The following MARK2 variants were observed in gnomAD, a reference collection of about 807,000 sequenced individuals.
MARK2 encodes microtubule affinity regulating kinase 2.
Under a neutral mutation model 89.8 loss-of-function variants are expected in MARK2, and 16 were observed. The observed-to-expected ratio is 0.18, with a 90% CI of 0.12 to 0.27. The LOEUF is 0.27. Ranked by LOEUF, MARK2 falls within the 10% of genes least tolerant of loss-of-function variation. MARK2 has a pLI of 1.00. For synonymous variants in MARK2, 382 were observed against 399.5 expected (o/e 0.96, Z 0.52); for missense variants, 621 against 1,049.9 (o/e 0.59, Z 5.65).
intron 1 of MARK2, among the ~76,000 whole-genome samples, chr11:63,867,410 G>C (rs1938197840): frequency 6.6e-6 from 1 of 152,194 alleles, no homozygotes; most frequent in Non-Finnish European, 1.5e-5. Context: ...GGGAAGTAAA[G>C]GAAAAATATA....
intron 1 of MARK2, among the ~76,000 whole-genome samples, chr11:63,856,308 GTT>G (rs771771264): frequency 1.1e-4 from 10 of 87,248 alleles, no homozygotes; most frequent in East Asian, 1.4e-3. Context: ...GGCCCTGTGG[GTT>G]TTTTTTTTTT....
chr11:63,903,334 TC>T lies in MARK2; in HGVS notation c.1514+180del. 1.7e-6 allele frequency: 1 copy of T among 602,448 alleles called. No individual in the cohort carries two copies. Among genetic ancestry groups the T allele is most frequent in the Non-Finnish European group, 3.0e-6 (1 of 335,886 alleles). 37.3% of individuals were successfully genotyped at this position (602,448 alleles called of 1,614,324 possible). A position where few individuals can be genotyped will look rare whatever the true frequency, so the allele number is the denominator to read the frequency against. ...TCCCCTATTCCACGCCATTGCCTCC[TC>T]CCCATCTTCCTCTGACTGCTACTTG... On this transcript the variant is annotated intron_variant, in intron 14 of 18. Coordinates refer to ENST00000402010, the MANE Select transcript of MARK2 (RefSeq NM_001039469.3). This position sits in a 1 kb window ranked among gnomAD's most constrained non-coding sequence, Gnocchi z 5.1.
intron 1 of MARK2, among the ~76,000 whole-genome samples, chr11:63,847,875 G>A (rs147380841): frequency 2.6e-5 from 4 of 152,344 alleles, no homozygotes; most frequent in East Asian, 3.9e-4. Flanking sequence ...TTATGGGTCT[G>A]GGAGGGGATC....
intron 1 of MARK2, chr11:63,890,179 C>G (rs376924323): frequency 7.3e-6 from 9 of 1,234,602 alleles, no homozygotes; most frequent in Non-Finnish European, 9.8e-6. Flanking sequence ...GTTGGAGACT[C>G]TCTCCTCTCT....
At chr11:63,842,013 A>G (rs1200941188) in intron 1 of MARK2, among the ~76,000 whole-genome samples, 1 of 152,170 alleles carries the variant, frequency 6.6e-6, no homozygotes, top group Non-Finnish European at 1.5e-5. Flanking sequence ...GTAGCTGCAT[A>G]CATTGTCATC....
intron 1 of MARK2, among the ~76,000 whole-genome samples, chr11:63,846,993 A>T (rs545606064): frequency 3.3e-5 from 5 of 152,346 alleles, no homozygotes; most frequent in Admixed American, 6.5e-5. Flanking sequence ...GTGTGGTAGC[A>T]CATGCGTGTA....
Position 63,839,381 on chromosome 11 carries a change from A to G in MARK2, c.-126A>G, listed in dbSNP as rs936792939. The G allele has an allele frequency of 1.7e-6, 1 of 586,224 alleles. No homozygotes were observed. The highest frequency in any genetic ancestry group is 2.9e-6 in the Non-Finnish European group (1 of 339,198). The allele number at this position is 586,224 out of a possible 1,614,324, so 36.3% of individuals were successfully genotyped here. ...GTGAGCGGCTGCCCGGCCTCCCCGC[A>G]CCCCCGGCCGGGGCCCATGCGGCGG... On this transcript the variant is annotated 5_prime_UTR_variant, in exon 1 of 19. Coordinates refer to ENST00000402010, the MANE Select transcript of MARK2 (RefSeq NM_001039469.3).
chr11:63,891,764 C>T (rs1300477564), intron 1 of MARK2, among the ~76,000 whole-genome samples: 1 of 152,230 alleles, frequency 6.6e-6, no homozygotes, highest in African/African-American at 2.4e-5. Context: ...CTGTTCATTG[C>T]CCGTTAGGCA....
chr11:63,872,150 C>T (rs1201383938), intron 1 of MARK2, among the ~76,000 whole-genome samples: 2 of 152,184 alleles, frequency 1.3e-5, no homozygotes, highest in Admixed American at 1.3e-4. Flanking sequence ...TCCGGCCACT[C>T]CTGACAAATA....
chr11:63,877,098 CTCTTTT>C (rs1279996169), intron 1 of MARK2, among the ~76,000 whole-genome samples: 1 of 129,008 alleles, frequency 7.8e-6, no homozygotes, highest in Non-Finnish European at 1.6e-5. Context: ...TTCAATCAGA[CTCTTTT>C]TTTTTTTTTT....
chr11:63,840,280 G>A (rs1449477055), intron 1 of MARK2, among the ~76,000 whole-genome samples: 2 of 152,128 alleles, frequency 1.3e-5, no homozygotes, highest in Non-Finnish European at 2.9e-5. Context: ...GCTGTCATGC[G>A]CATAGTTTTC....
At chr11:63,895,118 G>C in intron 1 of MARK2, 41 bp from the exon 2 acceptor site, 2 of 1,573,516 alleles carry the variant, frequency 1.3e-6, no homozygotes, top group African/African-American at 2.7e-5. Flanking sequence ...TAGAGGACTG[G>C]AAGTGTGGCA....
Position 63,895,265 on chromosome 11 carries a change from G to T in MARK2, c.161G>T (p.Arg54Leu). The change falls in exon 2 of 19, where the codon CGG becomes CTG. Residue 54 changes from arginine to leucine, a missense_variant. Around this residue, in one of 5 missense-constraint regions of MARK2, gnomAD observed 60 missense variants for 73.2 expected, o/e 0.82. Transcript: ENST00000402010. ...ADEQPHIGNY[R>L]LLKTIGKGNF... ...GAGCAGCCCCACATTGGAAACTACC[G>T]GCTCCTCAAGACCATTGGCAAGGGT... 1 of 1,614,102 alleles carries T rather than the reference G, an allele frequency of 6.2e-7. No individual in the cohort carries two copies. The highest frequency in any genetic ancestry group is 8.5e-7 in the Non-Finnish European group (1 of 1,180,026).
At chr11:63,852,078 A>G (rs2016600049) in intron 1 of MARK2, among the ~76,000 whole-genome samples, 1 of 152,032 alleles carries the variant, frequency 6.6e-6, no homozygotes, top group Non-Finnish European at 1.5e-5. Context: ...TTGCTTTTTC[A>G]CTCTCATTCC....
intron 1 of MARK2, among the ~76,000 whole-genome samples, chr11:63,891,822 G>A (rs887206136): frequency 1.3e-5 from 2 of 152,178 alleles, no homozygotes; most frequent in Admixed American, 6.5e-5. Flanking sequence ...GGGAGGATGG[G>A]GCTGAGAAAA....
At chr11:63,861,446 A>C (rs1590995163) in intron 1 of MARK2, among the ~76,000 whole-genome samples, 2 of 152,174 alleles carry the variant, frequency 1.3e-5, no homozygotes, top group South Asian at 4.1e-4. Flanking sequence ...GAAAAAAAAA[A>C]CAAGAATTTT....
Position 63,904,091 on chromosome 11 carries a change from C to T in MARK2, c.1620C>T (p.Pro540=), listed in dbSNP as rs1941124233. 6.2e-7 allele frequency: 1 copy of T among 1,604,380 alleles called. No individual in the cohort carries two copies. The highest frequency in any genetic ancestry group is 8.5e-7 in the Non-Finnish European group (1 of 1,178,998). ...AATCCATGTCGGCCTCCGTGCACCCCAACAAGGCCTCTGGGCTGCCCCCCA... is the reference window on the plus strand; with the variant it reads ...AATCCATGTCGGCCTCCGTGCACCCTAACAAGGCCTCTGGGCTGCCCCCCA... ...HQKSMSASVH[P]NKASGLPPTE... is the part of the protein sequence containing the mutation. Residue 540 remains proline, a synonymous_variant, in exon 15 of 19, where the codon CCC becomes CCT. Coordinates refer to ENST00000402010, the MANE Select transcript of MARK2 (RefSeq NM_001039469.3). This position sits in a 1 kb window ranked among gnomAD's most constrained non-coding sequence, Gnocchi z 6.3.
intron 1 of MARK2, among the ~76,000 whole-genome samples, chr11:63,863,584 C>G (rs528631089): frequency 6.6e-6 from 1 of 151,442 alleles, no homozygotes; most frequent in East Asian, 2.0e-4. Flanking sequence ...TGTGTCTCAG[C>G]CTGCTGATTA....
In MARK2 at chr11:63,904,740, C is replaced by T. The variant is rs1209836333; in HGVS notation, c.1677-46C>T. The T allele has an allele frequency of 3.8e-6, 6 of 1,590,658 alleles. No individual in the cohort carries two copies. Among genetic ancestry groups the T allele is most frequent in the Non-Finnish European group, 5.2e-6 (6 of 1,162,238 alleles). On this transcript the variant is annotated intron_variant, in intron 15 of 18. Transcript: ENST00000402010. This position sits in a 1 kb window ranked among gnomAD's most constrained non-coding sequence, Gnocchi z 6.3. ...TGTCCAGGTGCCCAGTGATGGCTGTCCTGTACCCTAATTCGTCCCCCTCAA... is the reference window on the plus strand; with the variant it reads ...TGTCCAGGTGCCCAGTGATGGCTGTTCTGTACCCTAATTCGTCCCCCTCAA...
Sources: allele counts gnomAD v4.1 joint callset (sites outside exome capture counted in the v4.1 genomes callset), GRCh38; gene constraint gnomAD v4.1.1; regional missense constraint gnomAD v4.1.1; non-coding constraint Gnocchi (gnomAD v3.1); transcripts MANE v1.5; gene names NCBI Gene and HGNC (gene_info 2026-07-23, HGNC 2026-07-21).